ERC2: variants seen among roughly 807,000 people sequenced by gnomAD.
ERC2 encodes ELKS/RAB6-interacting/CAST family member 2.
Under a neutral mutation model 114.8 loss-of-function variants are expected in ERC2, and 42 were observed. The observed-to-expected ratio is 0.37, with a 90% CI of 0.29 to 0.47. ERC2 has a LOEUF of 0.47. ERC2 is among the 20% of genes least tolerant of loss of function. The pLI, the probability that ERC2 is intolerant of heterozygous loss-of-function variation, is 0.99. For synonymous variants in ERC2, 454 were observed against 425.5 expected (o/e 1.07, Z -0.82); for missense variants, 939 against 1,150.7 (o/e 0.82, Z 2.66).
At chr3:55,739,881 T>C (rs937880144) in intron 14 of ERC2, among the ~76,000 whole-genome samples, 9 of 152,212 alleles carry the variant, frequency 5.9e-5, no homozygotes, top group African/African-American at 1.9e-4. Flanking sequence ...AGAGTTTTTA[T>C]GGTTTTAGGT....
intron 17 of ERC2, among the ~76,000 whole-genome samples, chr3:55,521,425 T>G (rs2052925665): frequency 6.6e-6 from 1 of 152,238 alleles, no homozygotes; most frequent in Admixed American, 6.5e-5. Context: ...GGCTGAAGGC[T>G]TGCCTGTGGT....
At chr3:55,916,148 G>A (rs746904777) in intron 13 of ERC2, among the ~76,000 whole-genome samples, 5 of 152,250 alleles carry the variant, frequency 3.3e-5, no homozygotes, top group South Asian at 2.1e-4. Context: ...TGGCAACAGC[G>A]TGGTGAGAAT....
intron 7 of ERC2, among the ~76,000 whole-genome samples, chr3:56,065,957 A>T (rs1282790555): frequency 6.6e-6 from 1 of 152,150 alleles, no homozygotes; most frequent in Non-Finnish European, 1.5e-5. Context: ...ATTGACAGGC[A>T]TTTGGGTTGA....
chr3:56,007,301 T>C lies in ERC2; in HGVS notation c.1941A>G (p.Lys647=). 6.3e-7 allele frequency: 1 copy of C among 1,599,326 alleles called. No homozygotes were observed. The highest frequency in any genetic ancestry group is 8.5e-7 in the Non-Finnish European group (1 of 1,172,414). ...CAGAGGCTAATGAAGATGCATGTTC[T>C]TTGAGGTCAATTAAACTAGACTGAA... The part of the protein sequence containing the change: ...TEKESSLIDL[K]EHASSLASAG... The change falls in exon 10 of 18, where the codon AAA becomes AAG. Residue 647 remains lysine (K), a synonymous_variant. Coordinates refer to ENST00000288221, the MANE Select transcript of ERC2 (RefSeq NM_015576.3).
intron 14 of ERC2, 119 bp downstream of exon 14, chr3:55,888,270 A>C: frequency 8.5e-7 from 1 of 1,179,578 alleles, no homozygotes; most frequent in Admixed American, 2.3e-5. Flanking sequence ...TGACCAGGCA[A>C]GTGTGAGCTA....
intron 4 of ERC2, among the ~76,000 whole-genome samples, chr3:56,165,878 ATG>A (rs1284755515): frequency 4.0e-5 from 6 of 151,670 alleles, no homozygotes; most frequent in African/African-American, 1.2e-4. Flanking sequence ...GTGAACAAAA[ATG>A]TTTTTTTTTT....
intron 17 of ERC2, among the ~76,000 whole-genome samples, chr3:55,682,523 G>C (rs989951246): frequency 2.0e-5 from 3 of 152,104 alleles, no homozygotes; most frequent in African/African-American, 7.2e-5. Flanking sequence ...ACATGTAACA[G>C]GTTCAACTAA....
At chr3:55,959,762 G>A (rs1272133610) in intron 12 of ERC2, among the ~76,000 whole-genome samples, 1 of 152,198 alleles carries the variant, frequency 6.6e-6, no homozygotes, top group Non-Finnish European at 1.5e-5. Context: ...GCCCTGGGAT[G>A]GTTATTTTTC....
chr3:56,205,459 T>C (rs893481980), intron 3 of ERC2, among the ~76,000 whole-genome samples: 2 of 152,202 alleles, frequency 1.3e-5, no homozygotes, highest in African/African-American at 4.8e-5. Flanking sequence ...GATTAATGTC[T>C]GTCCAAACTC....
At chr3:56,090,160 T>C (rs1010747200) in intron 6 of ERC2, among the ~76,000 whole-genome samples, 4 of 152,212 alleles carry the variant, frequency 2.6e-5, no homozygotes, top group Non-Finnish European at 5.9e-5. Flanking sequence ...CAATCTCTAA[T>C]TATAGCAAAA....
intron 14 of ERC2, among the ~76,000 whole-genome samples, chr3:55,862,813 G>C (rs183002314): frequency 1.3e-3 from 198 of 152,240 alleles, no homozygotes; most frequent in Non-Finnish European, 2.4e-3. Flanking sequence ...ACAACACAAT[G>C]ACTGAATTAT....
At chr3:56,215,042 C>G (rs2049357339) in intron 3 of ERC2, among the ~76,000 whole-genome samples, 4 of 152,134 alleles carry the variant, frequency 2.6e-5, no homozygotes, top group Admixed American at 6.5e-5. Context: ...AAAAACATGC[C>G]AAATTGTAAA....
intron 14 of ERC2, among the ~76,000 whole-genome samples, chr3:55,746,477 G>A (rs966704463): frequency 1.3e-4 from 20 of 152,090 alleles, no homozygotes; most frequent in African/African-American, 2.9e-4. Context: ...CAGGTGATCC[G>A]CCCACCTCAG....
intron 17 of ERC2, among the ~76,000 whole-genome samples, chr3:55,546,998 C>T (rs956787501): frequency 1.1e-4 from 16 of 152,276 alleles, no homozygotes; most frequent in Non-Finnish European, 2.4e-4. Flanking sequence ...TCCCACTCAG[C>T]CCTGGGACTT....
chr3:56,443,361 G>A (rs1391363012), intron 1 of ERC2, among the ~76,000 whole-genome samples: 8 of 152,154 alleles, frequency 5.3e-5, no homozygotes, highest in African/African-American at 1.7e-4. Flanking sequence ...TTTAGTTAGC[G>A]ACGTAGGCTC....
rs111916659 is a variant in ERC2 at position 55,710,080 on chromosome 3, G to T, written c.2713-10568C>A. On this transcript the variant is annotated intron_variant, in intron 15 of 17. Transcript: ENST00000288221. ...CCTCAGGTGTTTATCAGAGTTGCCC[G>T]CTGTGCTGTCCTCCCTTTCGTCTGG... 2.4e-3 allele frequency among the ~76,000 whole-genome samples: 372 copies of T among 152,216 alleles called. 3 individuals carry two copies. The highest frequency in any genetic ancestry group is 4.1e-3 in the Non-Finnish European group (282 of 68,004).
At chr3:55,529,106 A>G (rs1308281646) in intron 17 of ERC2, among the ~76,000 whole-genome samples, 1 of 152,206 alleles carries the variant, frequency 6.6e-6, no homozygotes, top group Non-Finnish European at 1.5e-5. Flanking sequence ...GGGAGTCCCC[A>G]GGCCATAGCC....
At chr3:56,342,326 C>A (rs944942022) in intron 2 of ERC2, among the ~76,000 whole-genome samples, 2 of 152,244 alleles carry the variant, frequency 1.3e-5, no homozygotes, top group Non-Finnish European at 2.9e-5. Context: ...ACACTTCATT[C>A]ACTAAGTTAT....
At chr3:55,802,992 G>T (rs140178178) in intron 14 of ERC2, among the ~76,000 whole-genome samples, 1 of 152,286 alleles carries the variant, frequency 6.6e-6, no homozygotes, top group East Asian at 1.9e-4. Context: ...AGAATGAAAA[G>T]TTCGCTCATG....
Sources: gnomAD v4.1 joint callset for allele counts (sites outside exome capture counted in the v4.1 genomes callset) on GRCh38, gnomAD v4.1.1 for gene constraint, MANE v1.5 for transcripts, NCBI Gene and HGNC (gene_info 2026-07-23, HGNC 2026-07-21) for gene names.